The following PTH2R variants were observed in gnomAD, a reference collection of about 807,000 sequenced individuals.
PTH2R encodes the protein PTH2 receptor.
In PTH2R, 59 loss-of-function variants were observed where a neutral mutation model predicts 60.3. The ratio of observed to expected loss-of-function variants is 0.98; its 90% CI spans 0.79 to 1.22. The LOEUF is 1.22. Ranked by LOEUF, PTH2R falls within the 50% of genes most tolerant of loss-of-function variation. The probability of loss-of-function intolerance (pLI) is 0.00; values close to 1 mark genes in which losing one functional copy is unlikely to be tolerated. For synonymous variants in PTH2R, 256 were observed against 243.8 expected (o/e 1.05, Z -0.47); for missense variants, 749 against 682.6 (o/e 1.10, Z -1.08).
intron 1 of PTH2R, among the ~76,000 whole-genome samples, chr2:208,412,802 T>C (rs940729726): frequency 1.1e-4 from 17 of 152,228 alleles, no homozygotes; most frequent in Non-Finnish European, 2.2e-4. Flanking sequence ...GTGTTTTTAC[T>C]ATATACATAT....
Position 208,378,940 on chromosome 2 carries a change from G to C in PTH2R, c.-259+18703G>C, listed in dbSNP as rs530143178. 2.0e-4 allele frequency among the ~76,000 whole-genome samples: 30 copies of C among 152,224 alleles called. 1 individual carries two copies. Among genetic ancestry groups the C allele is most frequent in the African/African-American group, 7.0e-4 (29 of 41,484 alleles). ...CACTGCAGGGTGGTTGTGAAGATTA[G>C]AGAAAGTGCATATACTCTGATCAGC... On this transcript the variant is annotated intron_variant, in intron 1 of 12. Transcript: ENST00000617735.
intron 1 of PTH2R, among the ~76,000 whole-genome samples, chr2:208,397,320 G>T (rs1432357205): frequency 6.6e-6 from 1 of 151,696 alleles, no homozygotes; most frequent in South Asian, 2.1e-4. Context: ...AAAAAAAGAG[G>T]CCAAGAGCAC....
chr2:208,365,954 ATATATATTTTTTTTTTTTT>A (rs1700580510), intron 1 of PTH2R, among the ~76,000 whole-genome samples: 1 of 19,050 alleles, frequency 5.2e-5, no homozygotes, highest in East Asian at 2.0e-3. Flanking sequence ...ATATATATAT[ATATATATTTTTTTTTTTTT>A]TTTTTTTTTT....
chr2:208,390,956 G>A (rs1231490616), intron 1 of PTH2R, among the ~76,000 whole-genome samples: 2 of 152,146 alleles, frequency 1.3e-5, no homozygotes, highest in African/African-American at 4.8e-5. Flanking sequence ...ATTCCTTTGG[G>A]CTTTGGTCCC....
intron 7 of PTH2R, among the ~76,000 whole-genome samples, chr2:208,446,959 T>C (rs1280189709): frequency 6.6e-6 from 1 of 152,190 alleles, no homozygotes; most frequent in Non-Finnish European, 1.5e-5. Context: ...CTGGCTTCAT[T>C]AGAGCAGAGA....
chr2:208,378,733 G>T (rs553288647), intron 1 of PTH2R, among the ~76,000 whole-genome samples: 1 of 152,210 alleles, frequency 6.6e-6, no homozygotes, highest in South Asian at 2.1e-4. Context: ...CTCCTGAACT[G>T]CGAGATATAA....
intron 8 of PTH2R, among the ~76,000 whole-genome samples, chr2:208,459,604 A>G (rs1157561710): frequency 2.0e-5 from 3 of 152,150 alleles, no homozygotes; most frequent in African/African-American, 4.8e-5. Flanking sequence ...TTAGAAGACT[A>G]TTACCTTTTG....
intron 6 of PTH2R, 55 bp downstream of exon 6, chr2:208,443,592 G>C (rs769835844): frequency 1.2e-5 from 17 of 1,432,228 alleles, no homozygotes; most frequent in Admixed American, 1.1e-4. Flanking sequence ...CTACAAATAA[G>C]TACAATTTTA....
intron 1 of PTH2R, chr2:208,360,346 G>A: frequency 6.4e-6 from 2 of 314,116 alleles, no homozygotes; most frequent in South Asian, 5.4e-5. Flanking sequence ...CGGCCTCCCC[G>A]AGCCCCTCGG....
chr2:208,380,401 C>G (rs768156507), intron 1 of PTH2R, among the ~76,000 whole-genome samples: 2 of 151,998 alleles, frequency 1.3e-5, no homozygotes, highest in African/African-American at 4.8e-5. Context: ...TATAAAAACC[C>G]TGTAAGTCAT....
At chr2:208,411,915 G>A (rs1009420611) in intron 1 of PTH2R, among the ~76,000 whole-genome samples, 2 of 152,098 alleles carry the variant, frequency 1.3e-5, no homozygotes, top group African/African-American at 4.8e-5. Flanking sequence ...AAAGATGTCA[G>A]CTCTTTCCTC....
chr2:208,481,324 C>T (rs1195316124), intron 10 of PTH2R, among the ~76,000 whole-genome samples, 160 bp downstream of exon 10: 1 of 148,562 alleles, frequency 6.7e-6, no homozygotes, highest in African/African-American at 2.5e-5. Context: ...AATTCTCATG[C>T]CTCAGCCTCC....
At chr2:208,425,606 C>T (rs1701841825) in intron 1 of PTH2R, among the ~76,000 whole-genome samples, 1 of 152,216 alleles carries the variant, frequency 6.6e-6, no homozygotes, top group Admixed American at 6.5e-5. Context: ...TATACTGTCA[C>T]TTCTATAAAA....
intron 1 of PTH2R, among the ~76,000 whole-genome samples, chr2:208,385,255 A>G (rs1700981639): frequency 6.6e-6 from 1 of 152,214 alleles, no homozygotes; most frequent in African/African-American, 2.4e-5. Context: ...CCTTTTGAGT[A>G]AAGGACACGA....
intron 1 of PTH2R, among the ~76,000 whole-genome samples, chr2:208,366,556 TG>T (rs1469073326): frequency 1.3e-5 from 2 of 152,188 alleles, no homozygotes; most frequent in African/African-American, 2.4e-5. Context: ...CTAATAGCCA[TG>T]AACTCCTATG....
intron 1 of PTH2R, among the ~76,000 whole-genome samples, chr2:208,389,229 C>T (rs1011830422): frequency 1.9e-4 from 5 of 25,788 alleles, no homozygotes; most frequent in Non-Finnish European, 2.9e-4. Context: ...GAAATGCATA[C>T]ACACACACAC....
intron 1 of PTH2R, among the ~76,000 whole-genome samples, chr2:208,380,754 T>C (rs1462966673): frequency 6.6e-6 from 1 of 152,124 alleles, no homozygotes; most frequent in Non-Finnish European, 1.5e-5. Flanking sequence ...GCACTAGCTT[T>C]CCCCTGTGTG....
At chr2:208,378,061 A>G (rs199528355) in intron 1 of PTH2R, among the ~76,000 whole-genome samples, 1 of 151,922 alleles carries the variant, frequency 6.6e-6, no homozygotes, top group Admixed American at 6.6e-5. Context: ...AGATCACGCC[A>G]CTGCACTCCA....
intron 1 of PTH2R, among the ~76,000 whole-genome samples, chr2:208,370,273 C>G (rs1700670501): frequency 6.6e-6 from 1 of 151,474 alleles, no homozygotes; most frequent in Non-Finnish European, 1.5e-5. Flanking sequence ...GAAACCCTGT[C>G]TCTACTAAAA....
Sources: gnomAD v4.1 joint callset for allele counts (sites outside exome capture counted in the v4.1 genomes callset) on GRCh38, gnomAD v4.1.1 for gene constraint, MANE v1.5 for transcripts, NCBI Gene and HGNC (gene_info 2026-07-23, HGNC 2026-07-21) for gene names.